Variants in TARM1 observed in about 807,000 individuals in gnomAD.
TARM1 encodes the protein T-cell-interacting, activating receptor on myeloid cells protein 1.
A neutral mutation model predicts 30.4 loss-of-function variants in TARM1; 24 were observed. The observed-to-expected ratio is 0.79, with a 90% CI of 0.57 to 1.11. The LOEUF (loss-of-function observed/expected upper bound fraction) is 1.11, where lower values mean the gene tolerates loss of function less well. Ranked by LOEUF, TARM1 falls within the 50% of genes least tolerant of loss-of-function variation. The pLI is 0.00. For missense variants in TARM1, 323 were observed against 332.8 expected (o/e 0.97, Z 0.23); for synonymous variants, 129 against 138.9 (o/e 0.93, Z 0.50).
intron 1 of TARM1, 186 bp from the exon 2 acceptor site, chr19:54,076,104 T>C: frequency 6.8e-7 from 1 of 1,466,864 alleles, no homozygotes; most frequent in East Asian, 2.5e-5. Context: ...CCTCCATCCT[T>C]TCCCAGAGAT....
At chr19:54,077,862 C>T (rs1163735562) in intron 1 of TARM1, among the ~76,000 whole-genome samples, 2 of 151,184 alleles carry the variant, frequency 1.3e-5, no homozygotes, top group Non-Finnish European at 2.9e-5. Flanking sequence ...CCTGCCTCAG[C>T]CTCCCAAGTA....
intron 1 of TARM1, among the ~76,000 whole-genome samples, chr19:54,078,860 A>T (rs587723866): frequency 1.0e-3 from 153 of 152,282 alleles, no homozygotes; most frequent in African/African-American, 3.5e-3. Context: ...TACAATATAG[A>T]TGTAGCTCGA....
At chr19:54,075,814 G>A in intron 2 of TARM1, 69 bp downstream of exon 2, 1 of 1,484,152 alleles carries the variant, frequency 6.7e-7, no homozygotes, top group Non-Finnish European at 9.2e-7. Flanking sequence ...AAAAGAGGGG[G>A]AAGGGGAAGA....
At chr19:54,074,349 T>C in intron 3 of TARM1, 133 bp from the exon 4 acceptor site, 5 of 863,508 alleles carry the variant, frequency 5.8e-6, no homozygotes, top group Non-Finnish European at 8.8e-6. Flanking sequence ...CTTCCTCCAC[T>C]TCCTACTCCG....
At chr19:54,081,277 A>C (rs1264934726) in intron 1 of TARM1, 30 bp downstream of exon 1, 1 of 1,547,136 alleles carries the variant, frequency 6.5e-7, no homozygotes, top group African/African-American at 1.4e-5. Context: ...GATTTTCTGC[A>C]GTCCCAGTGG....
At chr19:54,079,760 G>C (rs934805611) in intron 1 of TARM1, among the ~76,000 whole-genome samples, 3 of 152,118 alleles carry the variant, frequency 2.0e-5, no homozygotes, top group African/African-American at 7.2e-5. Context: ...GGCTGAGGCT[G>C]AGGCGGGCAG....
intron 1 of TARM1, among the ~76,000 whole-genome samples, chr19:54,080,123 GGAA>G (rs2072070919): frequency 2.2e-5 from 1 of 45,152 alleles, no homozygotes; most frequent in East Asian, 1.0e-3. Context: ...AAGGAAGGAA[GGAA>G]GGAAGGAAGG....
chr19:54,075,122 G>T lies in TARM1; in HGVS notation c.71-8C>A, dbSNP rs781168361. 6.5e-7 allele frequency: 1 copy of T among 1,549,982 alleles called. No homozygotes were observed. Among genetic ancestry groups the T allele is most frequent in the Non-Finnish European group, 8.7e-7 (1 of 1,146,204 alleles). On this transcript the variant is annotated splice_region_variant and splice_polypyrimidine_tract_variant and intron_variant, in intron 2 of 4. Coordinates refer to ENST00000432826, the MANE Select transcript of TARM1 (RefSeq NM_001135686.3). The stretch of plus-strand genomic sequence containing the variant: ...ACGGCTTGGGCAGTGACCCTGGAAG[G>T]AAGCAGAGCCTGATGCTGGACCCGA...
intron 4 of TARM1, among the ~76,000 whole-genome samples, chr19:54,073,515 A>G (rs969261465): frequency 3.3e-5 from 5 of 150,168 alleles, no homozygotes; most frequent in African/African-American, 1.2e-4. Flanking sequence ...TGTTTTTGAG[A>G]CAGAGTCTCA....
intron 1 of TARM1, among the ~76,000 whole-genome samples, chr19:54,077,152 G>A (rs2071976104): frequency 6.6e-6 from 1 of 152,052 alleles, no homozygotes; most frequent in Non-Finnish European, 1.5e-5. Context: ...GGAGGCCGAG[G>A]CAGGTGGATC....
chr19:54,075,953 AC>A, intron 1 of TARM1, 35 bp from the exon 2 acceptor site: 1 of 1,550,142 alleles, frequency 6.5e-7, no homozygotes, highest in Non-Finnish European at 8.7e-7. Flanking sequence ...AGAAGCCCCT[AC>A]CTGGAGCCAC....
chr19:54,073,492 G>GT (rs1407940601), intron 4 of TARM1, among the ~76,000 whole-genome samples: 2 of 146,864 alleles, frequency 1.4e-5, no homozygotes, highest in Non-Finnish European at 1.5e-5. Flanking sequence ...TTTTGTTTTT[G>GT]TTTTTTGTTT....
At chr19:54,072,188 C>T (rs2071829272) in intron 4 of TARM1, among the ~76,000 whole-genome samples, 1 of 151,942 alleles carries the variant, frequency 6.6e-6, no homozygotes, top group African/African-American at 2.4e-5. Context: ...GACTCCGTCT[C>T]AAACAAACAA....
At chr19:54,080,696 G>A (rs1408696997) in intron 1 of TARM1, among the ~76,000 whole-genome samples, 1 of 152,014 alleles carries the variant, frequency 6.6e-6, no homozygotes, top group Non-Finnish European at 1.5e-5. Context: ...TTCTGGGCCA[G>A]GCACAGTGGC....
At chr19:54,072,259 G>T (rs1293830840) in intron 4 of TARM1, among the ~76,000 whole-genome samples, 3 of 151,858 alleles carry the variant, frequency 2.0e-5, no homozygotes, top group African/African-American at 7.3e-5. Context: ...ACTCTTTTTT[G>T]CAATTCCTCT....
intron 1 of TARM1, among the ~76,000 whole-genome samples, chr19:54,077,210 G>A (rs1391636779): frequency 3.3e-5 from 5 of 151,884 alleles, no homozygotes; most frequent in Non-Finnish European, 7.4e-5. Flanking sequence ...GTGAAACCCC[G>A]TCTCTACTAA....
intron 4 of TARM1, 71 bp from the exon 5 acceptor site, chr19:54,070,231 C>T (rs1291079333): frequency 6.7e-7 from 1 of 1,497,786 alleles, no homozygotes; most frequent in Non-Finnish European, 8.9e-7. Flanking sequence ...CCCACCAAAT[C>T]TGACTATCAT....
chr19:54,077,961 A>C (rs2071999715), intron 1 of TARM1, among the ~76,000 whole-genome samples: 2 of 147,634 alleles, frequency 1.4e-5, no homozygotes, highest in South Asian at 4.3e-4. Flanking sequence ...ATTACAGCTC[A>C]CTGCAACCTC....
At chr19:54,078,895 T>C (rs1278864203) in intron 1 of TARM1, among the ~76,000 whole-genome samples, 2 of 151,330 alleles carry the variant, frequency 1.3e-5, no homozygotes, top group Non-Finnish European at 2.9e-5. Flanking sequence ...GTAAACTAAG[T>C]CAGGCAAAAA....
Sources: allele counts gnomAD v4.1 joint callset (sites outside exome capture counted in the v4.1 genomes callset), GRCh38; gene constraint gnomAD v4.1.1; transcripts MANE v1.5; gene names NCBI Gene and HGNC (gene_info 2026-07-23, HGNC 2026-07-21).